SLC16A12: variants seen among roughly 807,000 people sequenced by gnomAD.
SLC16A12 encodes monocarboxylate transporter 12.
Under a neutral mutation model 42.4 loss-of-function variants are expected in SLC16A12, and 17 were observed. The observed-to-expected ratio is 0.40, with a 90% CI of 0.27 to 0.60. The LOEUF is 0.60. Among genes scored for constraint, SLC16A12 ranks in the 20% least tolerant of loss-of-function variants. The probability of loss-of-function intolerance (pLI) is 0.42; values close to 1 mark genes in which losing one functional copy is unlikely to be tolerated. For missense variants in SLC16A12, 544 were observed against 623.0 expected, an observed-to-expected ratio of 0.87 and a Z score of 1.35; for synonymous variants, 224 against 229.4, an observed-to-expected ratio of 0.98 and a Z score of 0.21.
chr10:89,511,488 C>T (rs1843161367), intron 2 of SLC16A12, among the ~76,000 whole-genome samples: 1 of 152,108 alleles, frequency 6.6e-6, no homozygotes, highest in South Asian at 2.1e-4. Context: ...GAAGAGAAAA[C>T]CAAATGCTGC....
chr10:89,549,022 A>T (rs1211459291), intron 2 of SLC16A12, among the ~76,000 whole-genome samples: 1 of 152,200 alleles, frequency 6.6e-6, no homozygotes, highest in East Asian at 1.9e-4. Flanking sequence ...AATGAGATGG[A>T]TGGTTCTGCT....
chr10:89,458,026 G>C (rs1473110400), intron 3 of SLC16A12, among the ~76,000 whole-genome samples: 1 of 152,070 alleles, frequency 6.6e-6, no homozygotes, highest in Admixed American at 6.5e-5. Flanking sequence ...GGTTCTGCCT[G>C]GGCGGTTTGT....
intron 2 of SLC16A12, among the ~76,000 whole-genome samples, chr10:89,500,962 A>ATGTACAAAAATCAGTAGCTCTTC (rs1328158401): frequency 4.7e-4 from 72 of 152,212 alleles, no homozygotes; most frequent in African/African-American, 1.7e-3. Context: ...CACAAAACTA[A>ATGTACAAAAATCAGTAGCTCTTC]TGTACACAAA....
chr10:89,498,555 T>C (rs1387467206), intron 2 of SLC16A12, among the ~76,000 whole-genome samples: 3 of 152,144 alleles, frequency 2.0e-5, no homozygotes, highest in African/African-American at 7.2e-5. Context: ...TATTTTAAAA[T>C]GTTAAGAAAT....
intron 2 of SLC16A12, among the ~76,000 whole-genome samples, chr10:89,500,926 T>C (rs1222174554): frequency 6.6e-6 from 1 of 152,084 alleles, no homozygotes; most frequent in African/African-American, 2.4e-5. Context: ...CTAGAACTGA[T>C]AAAAGAACTC....
At position 89,432,394 on chromosome 10, in the gene SLC16A12, T is replaced by C. The variant is rs1321550355; in HGVS notation, c.*670A>G. The C allele has an allele frequency of 3.9e-5, 6 of 152,218 alleles. No individual in the cohort carries two copies. The highest frequency in any genetic ancestry group is 7.3e-5 in the Non-Finnish European group (5 of 68,072). 9.4% of individuals were successfully genotyped at this position (152,218 alleles called of 1,614,324 possible). A position where few individuals can be genotyped will look rare whatever the true frequency, so the allele number is the denominator to read the frequency against. ...TGCCCTTTAAGATCTATTCCAACCATGGCATTCCATGATTATTTGGATTCT... is the reference window on the plus strand; with the variant it reads ...TGCCCTTTAAGATCTATTCCAACCACGGCATTCCATGATTATTTGGATTCT... On this transcript the variant is annotated 3_prime_UTR_variant, in exon 8 of 8. Coordinates refer to ENST00000371790, the MANE Select transcript of SLC16A12 (RefSeq NM_213606.4).
chr10:89,533,143 T>TTTTTTG (rs988121035), intron 2 of SLC16A12, among the ~76,000 whole-genome samples: 1 of 151,544 alleles, frequency 6.6e-6, no homozygotes, highest in East Asian at 1.9e-4. Flanking sequence ...AATTTGTTTT[T>TTTTTTG]TTGTTGTTGT....
chr10:89,485,308 C>A (rs1261387615), intron 2 of SLC16A12, among the ~76,000 whole-genome samples: 2 of 152,160 alleles, frequency 1.3e-5, no homozygotes, highest in Admixed American at 1.3e-4. Flanking sequence ...TCAACAGTGA[C>A]AAGGTTGAGA....
At chr10:89,499,433 A>G (rs940873408) in intron 2 of SLC16A12, among the ~76,000 whole-genome samples, 4 of 152,136 alleles carry the variant, frequency 2.6e-5, no homozygotes, top group African/African-American at 9.7e-5. Flanking sequence ...GTGTGCCTGT[A>G]ATCCCAGCTA....
chr10:89,535,912 G>T (rs1433927821), upstream of SLC16A12, among the ~76,000 whole-genome samples: 1 of 152,234 alleles, frequency 6.6e-6, no homozygotes, highest in East Asian at 1.9e-4. Flanking sequence ...CCAGTGCTCG[G>T]CCTTCGAAAT....
intron 2 of SLC16A12, among the ~76,000 whole-genome samples, chr10:89,509,278 C>CAG (rs1843123938): frequency 6.6e-6 from 1 of 151,696 alleles, no homozygotes; most frequent in Admixed American, 6.6e-5. Context: ...CAAAACCTAG[C>CAG]AGACACAACA....
At chr10:89,454,673 C>T (rs991976019) in intron 3 of SLC16A12, among the ~76,000 whole-genome samples, 4 of 151,286 alleles carry the variant, frequency 2.6e-5, no homozygotes, top group Non-Finnish European at 4.4e-5. Context: ...TTCTAGCATG[C>T]TCTCCCAACC....
intron 2 of SLC16A12, among the ~76,000 whole-genome samples, chr10:89,519,744 T>G (rs1843319792): frequency 6.7e-6 from 1 of 150,134 alleles, no homozygotes; most frequent in South Asian, 2.1e-4. Context: ...GGTGGGGGGG[T>G]CCGAGGAAAA....
chr10:89,540,193 G>A (rs1194659664), upstream of SLC16A12, among the ~76,000 whole-genome samples: 1 of 151,904 alleles, frequency 6.6e-6, no homozygotes, highest in African/African-American at 2.4e-5. Context: ...TGATTACCTA[G>A]GTTCAAGAGA....
chr10:89,480,218 T>C (rs1027155757), intron 2 of SLC16A12, among the ~76,000 whole-genome samples: 2 of 152,210 alleles, frequency 1.3e-5, no homozygotes, highest in African/African-American at 4.8e-5. Flanking sequence ...GAATACCACA[T>C]TACATTTTGA....
chr10:89,548,133 T>TG (rs1468185407), intron 2 of SLC16A12, among the ~76,000 whole-genome samples: 1 of 152,124 alleles, frequency 6.6e-6, no homozygotes, highest in Non-Finnish European at 1.5e-5. Context: ...TACTAATACT[T>TG]GCAGTGGAAA....
At chr10:89,445,502 A>C (rs1227522982) in intron 3 of SLC16A12, among the ~76,000 whole-genome samples, 1 of 152,262 alleles carries the variant, frequency 6.6e-6, no homozygotes, top group African/African-American at 2.4e-5. Context: ...ACAGACCTGC[A>C]GCTGAGGGAC....
At chr10:89,436,928 A>C (rs1841809502) in intron 6 of SLC16A12, among the ~76,000 whole-genome samples, 1 of 127,154 alleles carries the variant, frequency 7.9e-6, no homozygotes, top group South Asian at 2.6e-4. Context: ...GAAAGAGTGC[A>C]TAAATCTCAA....
chr10:89,530,067 TAAAC>T (rs982563755), intron 2 of SLC16A12, among the ~76,000 whole-genome samples: 1 of 152,208 alleles, frequency 6.6e-6, no homozygotes, highest in Admixed American at 6.5e-5. Context: ...ATTCCTTTCA[TAAAC>T]AAAAAATTCA....
Sources: gnomAD v4.1 joint callset for allele counts (sites outside exome capture counted in the v4.1 genomes callset) on GRCh38, gnomAD v4.1.1 for gene constraint, MANE v1.5 for transcripts, NCBI Gene and HGNC (gene_info 2026-07-23, HGNC 2026-07-21) for gene names.